The following DOCK10 variants were observed in gnomAD, a reference collection of about 807,000 sequenced individuals.
The protein encoded by DOCK10 is dedicator of cytokinesis protein 10.
In DOCK10, 145 loss-of-function variants were observed where a neutral mutation model predicts 280.1. The observed-to-expected ratio is 0.52, with a 90% CI of 0.45 to 0.59. The LOEUF (loss-of-function observed/expected upper bound fraction) is 0.59, where lower values mean the gene tolerates loss of function less well. Among genes scored for constraint, DOCK10 ranks in the 20% least tolerant of loss-of-function variants. The probability of loss-of-function intolerance (pLI) is 0.00; values close to 1 mark genes in which losing one functional copy is unlikely to be tolerated. For missense variants in DOCK10, 2,368 were observed against 2,651.7 expected (o/e 0.89, Z 2.35); for synonymous variants, 915 against 942.2 (o/e 0.97, Z 0.53).
At chr2:224,780,413 G>A (rs1270269243) in intron 50 of DOCK10, among the ~76,000 whole-genome samples, 2 of 152,160 alleles carry the variant, frequency 1.3e-5, no homozygotes, top group Non-Finnish European at 2.9e-5. Flanking sequence ...GAATCCTCAT[G>A]GGGCTAAAGC....
chr2:224,832,711 CA>C, intron 26 of DOCK10, among the ~76,000 whole-genome samples: 1 of 152,254 alleles, frequency 6.6e-6, no homozygotes, highest in Middle Eastern at 3.4e-3. Flanking sequence ...TAATCTTGTC[CA>C]AAATATTTTG....
intron 3 of DOCK10, among the ~76,000 whole-genome samples, chr2:224,904,239 A>C (rs1202237184): frequency 2.0e-5 from 3 of 152,168 alleles, no homozygotes; most frequent in Non-Finnish European, 4.4e-5. Flanking sequence ...GTACACACCC[A>C]ATAAAAAGTT....
Position 224,769,769 on chromosome 2 carries a change from G to A in DOCK10, c.6444+442C>T, listed in dbSNP as rs1176763734. Among the ~76,000 whole-genome samples, 3 of 152,182 alleles carry A rather than the reference G, an allele frequency of 2.0e-5. No individual in the cohort carries two copies. In the East Asian group the frequency reaches 5.8e-4, roughly 29 times the overall value. ...GCCCAGCCTCCGTAAAGGCAGTCTT[G>A]GTGGTAAACAGCCATGACTAGTCTT... On this transcript the variant is annotated intron_variant, in intron 55 of 55. Coordinates refer to ENST00000258390, the MANE Select transcript of DOCK10 (RefSeq NM_014689.3).
chr2:224,924,048 C>T (rs1701921985), intron 2 of DOCK10, among the ~76,000 whole-genome samples: 1 of 152,188 alleles, frequency 6.6e-6, no homozygotes, highest in Non-Finnish European at 1.5e-5. Context: ...TTCCTTATTA[C>T]TCCTTTGCTA....
rs1402322614 is a variant in DOCK10 at position 224,774,866 on chromosome 2, A to G, written c.6013+39T>C. The G allele has an allele frequency of 1.9e-6, 3 of 1,547,348 alleles. No homozygotes were observed. The East Asian group carries it at 7.2e-5, about 37-fold the overall frequency. The stretch of plus-strand genomic sequence containing the variant: ...AGCCCTATAAAGGGGCCTGTGCTGG[A>G]ACAGGTGCCACATGTGTGGCCCGGC... On this transcript the variant is annotated intron_variant, in intron 52 of 55. Coordinates refer to ENST00000258390, the MANE Select transcript of DOCK10 (RefSeq NM_014689.3).
intron 1 of DOCK10, among the ~76,000 whole-genome samples, chr2:224,961,442 C>CTTTCTTTCTT (rs1393006647): frequency 1.5e-5 from 2 of 129,766 alleles, no homozygotes; most frequent in African/African-American, 5.6e-5. Context: ...TTCTTTCTTT[C>CTTTCTTTCTT]TTTCTTTCTT....
At chr2:224,911,000 A>G (rs1229036940) in intron 3 of DOCK10, among the ~76,000 whole-genome samples, 2 of 151,032 alleles carry the variant, frequency 1.3e-5, no homozygotes, top group Admixed American at 6.6e-5. Context: ...TTTTAGATCC[A>G]TACAGTTGAG....
At chr2:224,931,492 A>G (rs1261477290) in intron 2 of DOCK10, 57 bp downstream of exon 2, 2 of 1,534,742 alleles carry the variant, frequency 1.3e-6, no homozygotes, top group Non-Finnish European at 1.8e-6. Flanking sequence ...GGGAAAGACA[A>G]TGACCCAATG....
chr2:224,892,397 C>CAAAAAAAAAAAAAAAA (rs1174651393), intron 4 of DOCK10, among the ~76,000 whole-genome samples: 4 of 52,248 alleles, frequency 7.7e-5, no homozygotes, highest in South Asian at 1.1e-3. Context: ...GACCCTGTCT[C>CAAAAAAAAAAAAAAAA]AAAAAAAAAA....
At chr2:224,996,247 G>C (rs1218739704) in intron 1 of DOCK10, among the ~76,000 whole-genome samples, 4 of 152,208 alleles carry the variant, frequency 2.6e-5, no homozygotes, top group African/African-American at 7.2e-5. Context: ...AGGATAAGCT[G>C]CCTGGTATGA....
chr2:225,019,507 T>C (rs919627129), intron 1 of DOCK10, among the ~76,000 whole-genome samples: 5 of 150,650 alleles, frequency 3.3e-5, no homozygotes, highest in African/African-American at 1.2e-4. Context: ...TTTGGTGTCC[T>C]ATGCTCCTGC....
At chr2:224,990,646 C>T (rs554521929) in intron 1 of DOCK10, among the ~76,000 whole-genome samples, 38 of 152,156 alleles carry the variant, frequency 2.5e-4, no homozygotes, top group Admixed American at 9.8e-4. Context: ...CTTCTTTTCC[C>T]GGAGACACAT....
chr2:224,940,794 C>A (rs778982241), intron 1 of DOCK10, among the ~76,000 whole-genome samples: 1 of 152,142 alleles, frequency 6.6e-6, no homozygotes, highest in African/African-American at 2.4e-5. Flanking sequence ...GTAGGAGGTG[C>A]CTGGTTGTGT....
intron 24 of DOCK10, 49 bp from the exon 25 acceptor site, chr2:224,837,880 C>A: frequency 1.4e-6 from 2 of 1,455,476 alleles, no homozygotes; most frequent in Non-Finnish European, 1.9e-6. Flanking sequence ...GGCAGAAAAA[C>A]CCCGCTTTAG....
At chr2:225,035,931 T>C (rs1690248329) in intron 1 of DOCK10, among the ~76,000 whole-genome samples, 3 of 151,900 alleles carry the variant, frequency 2.0e-5, no homozygotes, top group Admixed American at 2.0e-4. Context: ...TCCACTCTCA[T>C]GACCGAATCT....
chr2:224,897,102 A>G (rs912405275), intron 3 of DOCK10, among the ~76,000 whole-genome samples: 2 of 152,130 alleles, frequency 1.3e-5, no homozygotes, highest in African/African-American at 2.4e-5. Context: ...TTTTGTCATG[A>G]TTTTAGCCCA....
intron 50 of DOCK10, 22 bp from the exon 51 acceptor site, chr2:224,778,306 C>A (rs772222367): frequency 1.1e-5 from 18 of 1,582,800 alleles, no homozygotes; most frequent in Non-Finnish European, 1.5e-5. Context: ...AATGAACCAC[C>A]AATTTTATTA....
At chr2:224,902,104 T>C (rs79130036) in intron 3 of DOCK10, among the ~76,000 whole-genome samples, 1,688 of 152,302 alleles carry the variant, frequency 0.011, 28 homozygotes, top group African/African-American at 0.038. Context: ...AAAGAAAATA[T>C]TTCATTTTTC....
chr2:224,859,951 G>A (rs780733429), intron 14 of DOCK10, among the ~76,000 whole-genome samples: 1 of 152,202 alleles, frequency 6.6e-6, no homozygotes, highest in Non-Finnish European at 1.5e-5. Context: ...GGTAATCCAA[G>A]TGGTCTGACA....
Sources: gnomAD v4.1 joint callset for allele counts (sites outside exome capture counted in the v4.1 genomes callset) on GRCh38, gnomAD v4.1.1 for gene constraint, MANE v1.5 for transcripts, NCBI Gene and HGNC (gene_info 2026-07-23, HGNC 2026-07-21) for gene names.